TRIM9: variants seen among roughly 807,000 people sequenced by gnomAD.
The protein encoded by TRIM9 is E3 ubiquitin-protein ligase TRIM9.
Under a neutral mutation model 78.3 loss-of-function variants are expected in TRIM9, and 26 were observed. That is an observed-to-expected ratio of 0.33 (90% confidence interval 0.24 to 0.46). TRIM9 has a LOEUF of 0.46. TRIM9 is among the 20% of genes least tolerant of loss of function. The pLI is 1.00. For missense variants in TRIM9, 787 were observed against 1,036.4 expected, an observed-to-expected ratio of 0.76 and a Z score of 3.30; for synonymous variants, 398 against 416.5, an observed-to-expected ratio of 0.96 and a Z score of 0.54.
intron 8 of TRIM9, among the ~76,000 whole-genome samples, 187 bp from the exon 9 acceptor site, chr14:50,983,608 A>T (rs980749459): frequency 6.6e-6 from 1 of 152,222 alleles, no homozygotes; most frequent in Admixed American, 6.5e-5. Flanking sequence ...TCAAAATGAA[A>T]AGCACATCTT....
intron 1 of TRIM9, among the ~76,000 whole-genome samples, chr14:51,031,930 T>C (rs912472174): frequency 9.9e-5 from 15 of 151,154 alleles, no homozygotes; most frequent in Non-Finnish European, 1.8e-4. Flanking sequence ...ATTGTGAACC[T>C]GACTCTATGA....
intron 1 of TRIM9, among the ~76,000 whole-genome samples, chr14:51,026,648 G>A (rs1390356854): frequency 6.6e-6 from 1 of 152,118 alleles, no homozygotes; most frequent in African/African-American, 2.4e-5. Context: ...TGCTGTGAAT[G>A]CTTTTCTCTT....
chr14:51,094,604 G>C lies in TRIM9; in HGVS notation c.336C>G (p.His112Gln). ...GCACCGGGGCCAGGGCCGGTGACAA[G>C]TGGGTGGCCGGTGGCGGCATAGCCG... is the stretch of plus-strand genomic sequence containing the variant. ...FPPAMPPPAT[H>Q]LSPALAPVPR... The change falls in exon 1 of 13, where the codon CAC becomes CAG. Residue 112 changes from histidine to glutamine, a missense_variant. Physicochemically the swap from His to Gln is conservative, Grantham distance 24. This residue lies in a region of TRIM9 where 352 missense variants were observed against 472.3 expected (regional missense o/e 0.75). Transcript: ENST00000684578. 1 of 1,609,634 alleles carries C rather than the reference G, an allele frequency of 6.2e-7. No individual in the cohort carries two copies. The highest frequency in any genetic ancestry group is 8.5e-7 in the Non-Finnish European group (1 of 1,177,492).
intron 7 of TRIM9, chr14:50,997,537 C>A (rs1057327435): frequency 1.2e-5 from 12 of 987,230 alleles, no homozygotes; most frequent in Non-Finnish European, 1.4e-5. Flanking sequence ...GAGCAGCCAA[C>A]AGGCCCTCTC....
At chr14:51,043,616 T>C (rs763419972) in intron 1 of TRIM9, among the ~76,000 whole-genome samples, 5 of 152,210 alleles carry the variant, frequency 3.3e-5, no homozygotes, top group Admixed American at 3.3e-4. Flanking sequence ...GATGGGAAAC[T>C]AAATATTAGG....
At chr14:51,056,827 A>T (rs934584863) in intron 1 of TRIM9, among the ~76,000 whole-genome samples, 1 of 152,128 alleles carries the variant, frequency 6.6e-6, no homozygotes, top group African/African-American at 2.4e-5. Flanking sequence ...ACACAAATAC[A>T]ATTTGCTGGA....
chr14:51,088,647 T>C (rs936508179), intron 1 of TRIM9, among the ~76,000 whole-genome samples: 2 of 136,604 alleles, frequency 1.5e-5, no homozygotes, highest in African/African-American at 5.4e-5. Context: ...TTCGAGTTGG[T>C]AAAAAAAAAA....
intron 1 of TRIM9, among the ~76,000 whole-genome samples, chr14:51,072,338 G>A (rs2062362825): frequency 1.3e-5 from 2 of 151,668 alleles, no homozygotes; most frequent in Non-Finnish European, 2.9e-5. Context: ...CATCCAACGA[G>A]AATTCCTAAA....
intron 3 of TRIM9, among the ~76,000 whole-genome samples, chr14:51,019,415 G>A (rs995421549): frequency 6.6e-6 from 1 of 152,150 alleles, no homozygotes; most frequent in African/African-American, 2.4e-5. Flanking sequence ...ATTTCAAACA[G>A]TTTCCCTCAA....
chr14:51,082,903 A>G (rs1028374104), intron 1 of TRIM9, among the ~76,000 whole-genome samples: 2 of 152,190 alleles, frequency 1.3e-5, no homozygotes, highest in African/African-American at 2.4e-5. Flanking sequence ...TAAGGCACAG[A>G]ATACAGAGTC....
At position 50,988,674 on chromosome 14, in the gene TRIM9, C is replaced by T. The variant is rs565237452; in HGVS notation, c.1604-2530G>A. On this transcript the variant is annotated intron_variant, in intron 7 of 12. Transcript: ENST00000684578. Reference sequence around the variant, plus strand: ...TTCTCTAAGTAGCTGTTAACAACAACAAAAAAATCCTACCTTGCAATGAGA... The same window carrying T: ...TTCTCTAAGTAGCTGTTAACAACAATAAAAAAATCCTACCTTGCAATGAGA... Among the ~76,000 whole-genome samples, 3 of 149,982 alleles carry T rather than the reference C, an allele frequency of 2.0e-5. No individual in the cohort carries two copies. In the Admixed American group the frequency reaches 2.0e-4, roughly 10 times the overall value.
chr14:51,020,550 C>A (rs1004286425), intron 3 of TRIM9, among the ~76,000 whole-genome samples: 1 of 152,184 alleles, frequency 6.6e-6, no homozygotes. Flanking sequence ...CAAATGCATC[C>A]GCATTCCCTG....
At chr14:50,982,661 C>A in intron 10 of TRIM9, 1 of 446,616 alleles carries the variant, frequency 2.2e-6, no homozygotes. Flanking sequence ...GTGATTGTGA[C>A]TTGCATGTAG....
At chr14:51,012,177 GA>G (rs561615989) in intron 3 of TRIM9, among the ~76,000 whole-genome samples, 245 of 152,174 alleles carry the variant, frequency 1.6e-3, no homozygotes, top group Non-Finnish European at 2.4e-3. Context: ...TCCATCTCCA[GA>G]ACTTTTTCAT....
chr14:51,008,909 A>T (rs1220759754), intron 5 of TRIM9, among the ~76,000 whole-genome samples, 171 bp downstream of exon 5: 1 of 152,232 alleles, frequency 6.6e-6, no homozygotes, highest in East Asian at 1.9e-4. Flanking sequence ...ATCTGAATTT[A>T]TCCAGCTTGC....
At chr14:51,023,661 C>T (rs992780154) in intron 2 of TRIM9, among the ~76,000 whole-genome samples, 1 of 152,044 alleles carries the variant, frequency 6.6e-6, no homozygotes, top group African/African-American at 2.4e-5. Flanking sequence ...TCTGTACATG[C>T]CATAGACATT....
At chr14:51,021,639 C>G (rs2057768964) in intron 3 of TRIM9, among the ~76,000 whole-genome samples, 1 of 152,226 alleles carries the variant, frequency 6.6e-6, no homozygotes, top group Non-Finnish European at 1.5e-5. Context: ...GCCATATCAA[C>G]ACTGCACACC....
chr14:51,008,966 G>A (rs907726285), intron 5 of TRIM9, 114 bp downstream of exon 5: 3 of 1,046,296 alleles, frequency 2.9e-6, no homozygotes, highest in African/African-American at 3.2e-5. Flanking sequence ...CATTACATAA[G>A]TTAGAAGCCA....
intron 2 of TRIM9, among the ~76,000 whole-genome samples, chr14:51,024,145 TGGGGTGA>T (rs1366833317): frequency 3.3e-5 from 5 of 152,150 alleles, no homozygotes; most frequent in African/African-American, 1.2e-4. Context: ...TATTGGAGGG[TGGGGTGA>T]GGGGAAACCT....
Sources: gnomAD v4.1 joint callset for allele counts (sites outside exome capture counted in the v4.1 genomes callset) on GRCh38, gnomAD v4.1.1 for gene constraint, gnomAD v4.1.1 regional missense constraint, MANE v1.5 for transcripts, NCBI Gene and HGNC (gene_info 2026-07-23, HGNC 2026-07-21) for gene names.